The following PARP15 variants were observed in gnomAD, a reference collection of about 807,000 sequenced individuals.
PARP15 encodes the protein poly(ADP-ribose) polymerase family member 15.
Under a neutral mutation model 62.1 loss-of-function variants are expected in PARP15, and 50 were observed. That is an observed-to-expected ratio of 0.81 (90% CI 0.64 to 1.02). The LOEUF (loss-of-function observed/expected upper bound fraction) is 1.02. Among genes scored for constraint, PARP15 ranks in the 50% least tolerant of loss-of-function variants. PARP15 has a pLI of 0.00. For missense variants in PARP15, 820 were observed against 826.5 expected (o/e 0.99, Z 0.10); for synonymous variants, 309 against 293.1 (o/e 1.05, Z -0.55).
intron 1 of PARP15, among the ~76,000 whole-genome samples, chr3:122,587,875 A>T (rs1933569130): frequency 6.6e-6 from 1 of 152,198 alleles, no homozygotes; most frequent in East Asian, 1.9e-4. Context: ...GCATCTTTTC[A>T]TATGCTTATT....
intron 9 of PARP15, 111 bp downstream of exon 9, chr3:122,627,144 T>C: frequency 1.1e-6 from 1 of 886,382 alleles, no homozygotes; most frequent in South Asian, 1.8e-5. Flanking sequence ...TTTAGGACTT[T>C]TCAGACAACT....
At position 122,635,033 on chromosome 3, in the gene PARP15, A is replaced by G. The variant is rs753177428; in HGVS notation, c.1586A>G (p.Gln529Arg). 7 of 1,613,906 alleles carry G rather than the reference A, an allele frequency of 4.3e-6. No individual in the cohort carries two copies. In the African/African-American group the frequency reaches 9.3e-5, roughly 22 times the overall value. ...TGTTACCTGCAGATTGAGAGGATAC[A>G]GAATGCATTTCTCTGGCAGAGCTAC... ...SYAIEKIERI[Q>R]NAFLWQSYQV... The change falls in exon 11 of 12, where the codon CAG becomes CGG. Residue 529 changes from glutamine to arginine, a missense_variant. By Grantham distance (43) the Gln-to-Arg change is conservative. This residue lies in a region of PARP15 where 731 missense variants were observed against 727.7 expected (regional missense o/e 1.00). Coordinates refer to ENST00000464300, the MANE Select transcript of PARP15 (RefSeq NM_001113523.3).
intron 7 of PARP15, 90 bp downstream of exon 7, chr3:122,619,933 G>C: frequency 8.0e-7 from 1 of 1,249,294 alleles, no homozygotes; most frequent in South Asian, 1.2e-5. Context: ...TGGAGGTGGA[G>C]TAAGTAGCGA....
intron 9 of PARP15, among the ~76,000 whole-genome samples, chr3:122,628,363 T>C (rs150134785): frequency 7.9e-5 from 12 of 152,128 alleles, no homozygotes; most frequent in African/African-American, 2.7e-4. Context: ...CAATGGGGAA[T>C]AGCTGTTCCC....
At chr3:122,614,794 T>G (rs1341619496) in intron 4 of PARP15, among the ~76,000 whole-genome samples, 1 of 152,080 alleles carries the variant, frequency 6.6e-6, no homozygotes, top group Non-Finnish European at 1.5e-5. Flanking sequence ...TTTGGGAGGC[T>G]GAGGCAGGGG....
chr3:122,624,655 C>T (rs1936577735), intron 8 of PARP15, among the ~76,000 whole-genome samples: 1 of 152,074 alleles, frequency 6.6e-6, no homozygotes, highest in Non-Finnish European at 1.5e-5. Context: ...GAATTAAGAC[C>T]ACTGTTTCCC....
At chr3:122,632,563 G>A (rs1937120233) in intron 10 of PARP15, among the ~76,000 whole-genome samples, 1 of 152,228 alleles carries the variant, frequency 6.6e-6, no homozygotes, top group Non-Finnish European at 1.5e-5. Context: ...TGGTGTCCTG[G>A]ATCCAGTTGC....
At chr3:122,581,144 A>T (rs2080795023) in intron 1 of PARP15, among the ~76,000 whole-genome samples, 1 of 152,216 alleles carries the variant, frequency 6.6e-6, no homozygotes, top group African/African-American at 2.4e-5. Flanking sequence ...TAACACATTT[A>T]TCAGACTGTA....
intron 3 of PARP15, among the ~76,000 whole-genome samples, chr3:122,611,186 G>A (rs948933941): frequency 2.0e-5 from 3 of 152,136 alleles, no homozygotes; most frequent in South Asian, 2.1e-4. Flanking sequence ...CCCTTCTTTC[G>A]ATAACATCAT....
At chr3:122,603,965 C>G (rs758471713) in intron 1 of PARP15, among the ~76,000 whole-genome samples, 1 of 152,236 alleles carries the variant, frequency 6.6e-6, no homozygotes, top group Middle Eastern at 3.4e-3. Context: ...GCCTGGAGCT[C>G]TGTGTTGAGG....
At chr3:122,618,282 T>C (rs1187519929) in intron 6 of PARP15, among the ~76,000 whole-genome samples, 1 of 152,168 alleles carries the variant, frequency 6.6e-6, no homozygotes, top group African/African-American at 2.4e-5. Flanking sequence ...TGTCCCCTTT[T>C]GGAATTCCAT....
At chr3:122,634,628 G>A (rs1037289180) in intron 10 of PARP15, among the ~76,000 whole-genome samples, 1 of 152,218 alleles carries the variant, frequency 6.6e-6, no homozygotes, top group South Asian at 2.1e-4. Flanking sequence ...CATGGAATGA[G>A]TTGGAAGATG....
At chr3:122,630,216 G>T (rs1383244964) in intron 9 of PARP15, among the ~76,000 whole-genome samples, 1 of 152,184 alleles carries the variant, frequency 6.6e-6, no homozygotes, top group East Asian at 1.9e-4. Context: ...TCCATGTGAT[G>T]CTGGGTGAGT....
At chr3:122,634,333 G>A (rs995131499) in intron 10 of PARP15, among the ~76,000 whole-genome samples, 3 of 152,180 alleles carry the variant, frequency 2.0e-5, no homozygotes, top group African/African-American at 7.2e-5. Flanking sequence ...TAGACTGAAT[G>A]TTTCATGAGG....
At chr3:122,625,038 C>T (rs1268831393) in intron 8 of PARP15, among the ~76,000 whole-genome samples, 1 of 151,574 alleles carries the variant, frequency 6.6e-6, no homozygotes, top group Non-Finnish European at 1.5e-5. Flanking sequence ...ATTTTTTTAC[C>T]ATTATTATAT....
chr3:122,578,706 T>C (rs1559913596), intron 1 of PARP15, among the ~76,000 whole-genome samples: 1 of 152,096 alleles, frequency 6.6e-6, no homozygotes, highest in Non-Finnish European at 1.5e-5. Context: ...TATTTTTCCT[T>C]ATGAACTTTT....
In PARP15 at chr3:122,610,742, T is replaced by C; in HGVS notation, c.543+12T>C. On this transcript the variant is annotated intron_variant, in intron 3 of 11. Transcript: ENST00000464300. ...AGACTTCTTGGCAGGTAGGGAACGCTCTTAGTTCTCCAACGTATTGGGTGG... is the reference window on the plus strand; with the variant it reads ...AGACTTCTTGGCAGGTAGGGAACGCCCTTAGTTCTCCAACGTATTGGGTGG... The C allele has an allele frequency of 6.7e-7, 1 of 1,492,728 alleles. No homozygotes were observed. Among genetic ancestry groups the C allele is most frequent in the Non-Finnish European group, 8.9e-7 (1 of 1,119,548 alleles). The allele number at this position is 1,492,728 out of a possible 1,614,324, so 92.5% of individuals were successfully genotyped here. A position where few individuals can be genotyped will look rare whatever the true frequency, so the allele number is the denominator to read the frequency against.
chr3:122,602,270 T>C (rs184941754), intron 1 of PARP15, among the ~76,000 whole-genome samples: 2 of 152,290 alleles, frequency 1.3e-5, no homozygotes, highest in East Asian at 3.9e-4. Context: ...CAGAGGTGCC[T>C]GGGAGTTGAC....
intron 1 of PARP15, among the ~76,000 whole-genome samples, chr3:122,605,124 A>T (rs1261130439): frequency 6.6e-6 from 1 of 152,134 alleles, no homozygotes; most frequent in Admixed American, 6.6e-5. Flanking sequence ...CACTGGGGAA[A>T]CTCATAGTGA....
Sources: allele counts gnomAD v4.1 joint callset (sites outside exome capture counted in the v4.1 genomes callset), GRCh38; gene constraint gnomAD v4.1.1; regional missense constraint gnomAD v4.1.1; transcripts MANE v1.5; gene names NCBI Gene and HGNC (gene_info 2026-07-23, HGNC 2026-07-21).